ABCG1: variants seen among roughly 807,000 people sequenced by gnomAD.
The protein encoded by ABCG1 is ATP-binding cassette sub-family G member 1.
Under a neutral mutation model 69.2 loss-of-function variants are expected in ABCG1, and 29 were observed. The observed-to-expected ratio is 0.42, with a 90% CI of 0.31 to 0.57. ABCG1 has a LOEUF of 0.57. ABCG1 is among the 20% of genes least tolerant of loss of function. The pLI, the probability that ABCG1 is intolerant of heterozygous loss-of-function variation, is 0.15. For missense variants in ABCG1, 718 were observed against 898.1 expected (o/e 0.80, Z 2.56); for synonymous variants, 370 against 374.8 (o/e 0.99, Z 0.15).
At position 42,245,368 on chromosome 21, in the gene ABCG1, A is replaced by G. The variant is rs190863185; in HGVS notation, c.286+19454A>G. Among the ~76,000 whole-genome samples, 681 of 152,330 alleles carry G rather than the reference A, an allele frequency of 4.5e-3. 7 individuals carry two copies. The highest frequency in any genetic ancestry group is 0.015 in the African/African-American group (629 of 41,566). On this transcript the variant is annotated intron_variant, in intron 2 of 14. Coordinates refer to ENST00000398449, the MANE Select transcript of ABCG1 (RefSeq NM_016818.3). ...AATTATTAAGGAACCAGAAAATTGC[A>G]TTCTTCTCCAATTGGTTTTAGGCAT...
chr21:42,261,647 T>C (rs1173958878), intron 2 of ABCG1, among the ~76,000 whole-genome samples: 1 of 152,112 alleles, frequency 6.6e-6, no homozygotes, highest in East Asian at 1.9e-4. Context: ...AAGAGGAATG[T>C]CCTGCCTGGC....
Position 42,291,240 on chromosome 21 carries a change from T to C in ABCG1, c.1494+48T>C, listed in dbSNP as rs1452153735. The C allele has an allele frequency of 2.1e-6, 3 of 1,458,020 alleles. No individual in the cohort carries two copies. The highest frequency in any genetic ancestry group is 2.9e-6 in the Non-Finnish European group (3 of 1,043,728). 90.3% of individuals were successfully genotyped at this position (1,458,020 alleles called of 1,614,324 possible). ...TTTGAAACGGGGGCAAGAGTTCTCC[T>C]GTACACCCTTTATATCGAGTAAGAG... On this transcript the variant is annotated intron_variant, in intron 12 of 14. Coordinates refer to ENST00000398449, the MANE Select transcript of ABCG1 (RefSeq NM_016818.3). This position sits in a 1 kb window ranked among gnomAD's most constrained non-coding sequence, Gnocchi z 6.4.
chr21:42,268,277 C>T (rs1229444563), intron 2 of ABCG1, among the ~76,000 whole-genome samples: 3 of 152,028 alleles, frequency 2.0e-5, no homozygotes, highest in East Asian at 1.9e-4. Flanking sequence ...GTGGGATGGT[C>T]GCATCTTCGC....
chr21:42,255,729 T>A (rs2068293180), intron 2 of ABCG1, among the ~76,000 whole-genome samples: 1 of 152,222 alleles, frequency 6.6e-6, no homozygotes, highest in African/African-American at 2.4e-5. Context: ...TTTGTTTGTG[T>A]TGACTTTCCC....
At chr21:42,257,733 C>T (rs1359139820) in intron 2 of ABCG1, among the ~76,000 whole-genome samples, 1 of 152,222 alleles carries the variant, frequency 6.6e-6, no homozygotes, top group Non-Finnish European at 1.5e-5. Flanking sequence ...TATGTGCTTA[C>T]ACTGGCCACT....
chr21:42,261,522 G>T (rs1048421814), intron 2 of ABCG1, among the ~76,000 whole-genome samples: 1 of 152,166 alleles, frequency 6.6e-6, no homozygotes, highest in Non-Finnish European at 1.5e-5. Flanking sequence ...AGGGGCCTGG[G>T]GGAAGCTTGG....
chr21:42,239,036 C>A (rs925251627), intron 2 of ABCG1, among the ~76,000 whole-genome samples: 2 of 152,130 alleles, frequency 1.3e-5, no homozygotes, highest in African/African-American at 4.8e-5. Flanking sequence ...ATATGTGGAG[C>A]TTAGTTAAAA....
chr21:42,295,989 G>A (rs1478483119), intron 14 of ABCG1, among the ~76,000 whole-genome samples, 175 bp from the exon 15 acceptor site: 3 of 152,186 alleles, frequency 2.0e-5, no homozygotes, highest in Non-Finnish European at 4.4e-5. Context: ...GCTGTTGCAC[G>A]TGTTTGTCTT....
chr21:42,279,683 C>A (rs1308348347), intron 5 of ABCG1, among the ~76,000 whole-genome samples: 1 of 152,274 alleles, frequency 6.6e-6, no homozygotes, highest in East Asian at 1.9e-4. Flanking sequence ...CAGCCACCAG[C>A]CTTTTCCGGG....
At position 42,227,980 on chromosome 21, in the gene ABCG1, A is replaced by C. The variant is rs540962334; in HGVS notation, c.286+2066A>C. Among the ~76,000 whole-genome samples the C allele has an allele frequency of 8.5e-5, 13 of 152,298 alleles. No homozygotes were observed. In the East Asian group the frequency reaches 1.9e-3, roughly 23 times the overall value. On this transcript the variant is annotated intron_variant, in intron 2 of 14. Coordinates refer to ENST00000398449, the MANE Select transcript of ABCG1 (RefSeq NM_016818.3). ...CACCTCTCGCCCAGTCCCTCCCTTG[A>C]CACGTGGGGATTACAATTCAAGATG...
chr21:42,259,962 C>CT, intron 2 of ABCG1: 1 of 1,495,174 alleles, frequency 6.7e-7, no homozygotes, highest in Non-Finnish European at 8.9e-7. Context: ...TTGGCTTGCT[C>CT]TTCCCCTTCC....
rs9977145 is a variant in ABCG1, at chr21:42,266,171, C to A, written c.287-4899C>A. Among the ~76,000 whole-genome samples the A allele has an allele frequency of 3.3e-5, 5 of 152,064 alleles. No individual in the cohort carries two copies. The East Asian group carries it at 9.7e-4, about 29-fold the overall frequency. ...AAAAAATTAGCCTGGCATGGTGGTG[C>A]GCACCTGTAATCCCAGCTACTCAGG... On this transcript the variant is annotated intron_variant, in intron 2 of 14. Coordinates refer to ENST00000398449, the MANE Select transcript of ABCG1 (RefSeq NM_016818.3).
Position 42,284,689 on chromosome 21 carries a change from C to G in ABCG1, c.858+6C>G, listed in dbSNP as rs200278092. 6.2e-7 allele frequency: 1 copy of G among 1,611,722 alleles called. No homozygotes were observed. Among genetic ancestry groups the G allele is most frequent in the Non-Finnish European group, 8.5e-7 (1 of 1,179,830 alleles). ...TCTTCGAGCTGTTCGACCAGGTACG[C>G]GGGCCCCGGGCCCTCCCCGCCAGAT... On this transcript the variant is annotated splice_donor_region_variant and intron_variant, in intron 7 of 14. Coordinates refer to ENST00000398449, the MANE Select transcript of ABCG1 (RefSeq NM_016818.3).
At chr21:42,230,971 T>C (rs2067892794) in intron 2 of ABCG1, among the ~76,000 whole-genome samples, 1 of 152,204 alleles carries the variant, frequency 6.6e-6, no homozygotes, top group Admixed American at 6.5e-5. Flanking sequence ...TGCTTAGCTC[T>C]GACGTGGGCA....
intron 2 of ABCG1, among the ~76,000 whole-genome samples, chr21:42,246,960 T>C (rs1569217414): frequency 6.6e-6 from 1 of 152,200 alleles, no homozygotes; most frequent in Non-Finnish European, 1.5e-5. Flanking sequence ...CCACAAGACT[T>C]AGAATTTGAC....
At chr21:42,294,140 A>C (rs2069156364) in intron 13 of ABCG1, among the ~76,000 whole-genome samples, 1 of 152,164 alleles carries the variant, frequency 6.6e-6, no homozygotes, top group Non-Finnish European at 1.5e-5. Context: ...TGAAGGCTGC[A>C]GTCCTTCCAC....
At chr21:42,250,535 A>G (rs1210901185) in intron 2 of ABCG1, among the ~76,000 whole-genome samples, 1 of 152,120 alleles carries the variant, frequency 6.6e-6, no homozygotes, top group Non-Finnish European at 1.5e-5. Flanking sequence ...AGCCCTGAAA[A>G]CAGGGCTGGG....
At chr21:42,278,675 G>T (rs1272768843) in intron 5 of ABCG1, among the ~76,000 whole-genome samples, 1 of 152,192 alleles carries the variant, frequency 6.6e-6, no homozygotes, top group Non-Finnish European at 1.5e-5. Context: ...TTCTGTTGTG[G>T]AAACCAGCCA....
intron 2 of ABCG1, among the ~76,000 whole-genome samples, chr21:42,248,064 C>G (rs1283460515): frequency 6.6e-6 from 1 of 152,048 alleles, no homozygotes; most frequent in African/African-American, 2.4e-5. Context: ...GAAAAGGAAG[C>G]AAAGATGGTC....
Sources: allele counts gnomAD v4.1 joint callset (sites outside exome capture counted in the v4.1 genomes callset), GRCh38; gene constraint gnomAD v4.1.1; non-coding constraint Gnocchi (gnomAD v3.1); transcripts MANE v1.5; gene names NCBI Gene and HGNC (gene_info 2026-07-23, HGNC 2026-07-21).